RHOBTB2: variants seen among roughly 807,000 people sequenced by gnomAD.
RHOBTB2 encodes Rho related BTB domain containing 2.
In RHOBTB2, 39 loss-of-function variants were observed where a neutral mutation model predicts 66.5. The observed-to-expected ratio is 0.59, with a 90% CI of 0.45 to 0.77. RHOBTB2 has a LOEUF of 0.77. Ranked by LOEUF, RHOBTB2 falls within the 30% of genes least tolerant of loss-of-function variation. The probability of loss-of-function intolerance (pLI) is 0.00; values close to 1 mark genes in which losing one functional copy is unlikely to be tolerated. For synonymous variants in RHOBTB2, 390 were observed against 395.0 expected, an observed-to-expected ratio of 0.99 and a Z score of 0.15; for missense variants, 755 against 999.1, an observed-to-expected ratio of 0.76 and a Z score of 3.29.
At chr8:22,971,528 G>A in the RHOBTB2 span, among the ~76,000 whole-genome samples, 2 of 151,948 alleles carry the variant, frequency 1.3e-5, no homozygotes, top group Admixed American at 1.3e-4. Context: ...CAACCTGCAC[G>A]CACTGCCTCC....
upstream of RHOBTB2, among the ~76,000 whole-genome samples, chr8:22,996,543 G>C (rs866366043): frequency 5.3e-4 from 72 of 137,102 alleles, 2 homozygotes; most frequent in Admixed American, 1.1e-3. Flanking sequence ...GTGTGTGTGT[G>C]TGTGTGTGTG....
At chr8:23,014,498 T>C (rs1811234093) in intron 7 of RHOBTB2, among the ~76,000 whole-genome samples, 192 bp from the exon 8 acceptor site, 1 of 152,242 alleles carries the variant, frequency 6.6e-6, no homozygotes, top group Non-Finnish European at 1.5e-5. Flanking sequence ...CCCTACCCCG[T>C]TGAGCTCTTG....
rs543063061 is a variant in RHOBTB2, at chr8:23,010,432, G to A, written c.1621-106G>A. 245 of 1,312,928 alleles carry A rather than the reference G, an allele frequency of 1.9e-4. 1 individual carries two copies. The African/African-American group carries it at 3.4e-3, about 18-fold the overall frequency. The allele number at this position is 1,312,928 out of a possible 1,614,324, so 81.3% of individuals were successfully genotyped here. A position where few individuals can be genotyped will look rare whatever the true frequency, so the allele number is the denominator to read the frequency against. ...GCAGCACAGGGAAGGCTGCCCGTCTGGGGGAGCCTGGGTGTGAGGGCCAGA... is the reference window on the plus strand; with the variant it reads ...GCAGCACAGGGAAGGCTGCCCGTCTAGGGGAGCCTGGGTGTGAGGGCCAGA... On this transcript the variant is annotated intron_variant, in intron 6 of 9. Transcript: ENST00000251822.
At chr8:23,016,865 C>T (rs1246670145) in intron 9 of RHOBTB2, among the ~76,000 whole-genome samples, 2 of 152,192 alleles carry the variant, frequency 1.3e-5, no homozygotes, top group East Asian at 3.8e-4. Flanking sequence ...GTCCTGACTC[C>T]GTATTCCCCC....
At chr8:23,014,394 G>C (rs943850026) in intron 7 of RHOBTB2, among the ~76,000 whole-genome samples, 5 of 152,206 alleles carry the variant, frequency 3.3e-5, no homozygotes, top group South Asian at 2.1e-4. Flanking sequence ...GTTCTGTTGG[G>C]AACTTTGACC....
upstream of RHOBTB2, among the ~76,000 whole-genome samples, chr8:22,982,557 TG>T (rs1465006752): frequency 1.3e-5 from 2 of 152,070 alleles, no homozygotes; most frequent in African/African-American, 4.8e-5. Flanking sequence ...AGGAGGCAGA[TG>T]TTGCAGTGAG....
chr8:22,973,598 G>C, the RHOBTB2 span, among the ~76,000 whole-genome samples: 250 of 152,290 alleles, frequency 1.6e-3, 1 homozygote, highest in African/African-American at 5.9e-3. Context: ...ACTCCCAGCT[G>C]TATCAGCAGT....
chr8:22,996,361 T>C (rs1192333268), upstream of RHOBTB2, among the ~76,000 whole-genome samples: 1 of 152,118 alleles, frequency 6.6e-6, no homozygotes, highest in African/African-American at 2.4e-5. Context: ...GCCAGGCACA[T>C]GGCAGGACAT....
chr8:23,001,145 T>G (rs1810766649), intron 1 of RHOBTB2, among the ~76,000 whole-genome samples: 1 of 151,894 alleles, frequency 6.6e-6, no homozygotes, highest in Non-Finnish European at 1.5e-5. Context: ...GGGACAGGGA[T>G]GGAAGGAACA....
the RHOBTB2 span, among the ~76,000 whole-genome samples, chr8:22,953,180 C>T: frequency 7.9e-5 from 12 of 152,182 alleles, no homozygotes; most frequent in Non-Finnish European, 1.3e-4. Context: ...TTTTCCCTTA[C>T]CAATTGAGTG....
chr8:23,004,753 G>A lies in RHOBTB2; in HGVS notation c.192+127G>A. 1 of 900,490 alleles carries A rather than the reference G, an allele frequency of 1.1e-6. No homozygotes were observed. The highest frequency in any genetic ancestry group is 1.7e-6 in the Non-Finnish European group (1 of 587,790). 55.8% of individuals were successfully genotyped at this position (900,490 alleles called of 1,614,324 possible). ...CTAGGGGTGGGACAGGATGGGTTGG[G>A]GGCAGCTGAAGAGGAAGGAGCCCCT... On this transcript the variant is annotated intron_variant, in intron 2 of 9. Coordinates refer to ENST00000251822, the MANE Select transcript of RHOBTB2 (RefSeq NM_015178.3). The surrounding 1 kb of genome is among the most constrained non-coding windows in gnomAD (Gnocchi z 6.4).
chr8:22,977,013 G>A, the RHOBTB2 span, among the ~76,000 whole-genome samples: 1 of 152,146 alleles, frequency 6.6e-6, no homozygotes, highest in Admixed American at 6.6e-5. Flanking sequence ...CCAGCTACTT[G>A]GGAGGCTGAG....
chr8:22,977,955 C>T, the RHOBTB2 span: 1 of 151,846 alleles, frequency 6.6e-6, no homozygotes, highest in Non-Finnish European at 1.5e-5. Flanking sequence ...CCCAAGAGTC[C>T]TATGCTGACC....
chr8:23,007,056 G>A lies in RHOBTB2; in HGVS notation c.811G>A (p.Val271Met). The change falls in exon 5 of 10, where the codon GTG (valine) becomes ATG (methionine). Residue 271 changes from valine (V) to methionine (M), a missense_variant. Transcript: ENST00000251822. ...EDPLCADVIL[V>M]LQERVRIFAH... ...CCCGCTCTGCGCGGACGTCATCCTGGTGCTGCAGGAGCGGGTGCGCATCTT... is the reference window on the plus strand; with the variant it reads ...CCCGCTCTGCGCGGACGTCATCCTGATGCTGCAGGAGCGGGTGCGCATCTT... The A allele has an allele frequency of 6.2e-7, 1 of 1,610,434 alleles. No individual in the cohort carries two copies. Among genetic ancestry groups the A allele is most frequent in the Non-Finnish European group, 8.5e-7 (1 of 1,179,302 alleles).
rs778764986 is a variant in RHOBTB2 at position 23,005,503 on chromosome 8, A to T, written c.296+28A>T. On this transcript the variant is annotated intron_variant, in intron 3 of 9. Coordinates refer to ENST00000251822, the MANE Select transcript of RHOBTB2 (RefSeq NM_015178.3). ...AGGGAAGGCCTCTAGCCGCCTGCAG[A>T]GAACCAACAGGGTGGGTTTTTCCCT... The T allele has an allele frequency of 4.8e-6, 7 of 1,457,892 alleles. No individual in the cohort carries two copies. In the South Asian group the frequency reaches 7.9e-5, roughly 17 times the overall value. 90.3% of individuals were successfully genotyped at this position (1,457,892 alleles called of 1,614,324 possible). A position where few individuals can be genotyped will look rare whatever the true frequency, so the allele number is the denominator to read the frequency against.
At chr8:22,954,886 C>T in the RHOBTB2 span, among the ~76,000 whole-genome samples, 1 of 152,208 alleles carries the variant, frequency 6.6e-6, no homozygotes, top group Non-Finnish European at 1.5e-5. Context: ...AATCCCAACA[C>T]TTTGGGAGGC....
At chr8:22,998,463 G>T (rs1296292004), upstream of RHOBTB2, among the ~76,000 whole-genome samples, 1 of 152,098 alleles carries the variant, frequency 6.6e-6, no homozygotes, top group Admixed American at 6.5e-5. Context: ...GCTGGGCATG[G>T]TGGCTCACGC....
upstream of RHOBTB2, among the ~76,000 whole-genome samples, chr8:22,983,284 A>G (rs531811705): frequency 6.6e-6 from 1 of 151,582 alleles, no homozygotes; most frequent in East Asian, 1.9e-4. Context: ...ATCTGCACTG[A>G]TGTGTGACAC....
At chr8:22,994,639 T>C (rs1810499717), upstream of RHOBTB2, 3 of 1,550,764 alleles carry the variant, frequency 1.9e-6, no homozygotes, top group Non-Finnish European at 2.6e-6. Context: ...TCAGACAGCA[T>C]GTGAGTAGCT....
Sources: gnomAD v4.1 joint callset for allele counts (sites outside exome capture counted in the v4.1 genomes callset) on GRCh38, gnomAD v4.1.1 for gene constraint, Gnocchi (gnomAD v3.1) non-coding constraint, MANE v1.5 for transcripts, NCBI Gene and HGNC (gene_info 2026-07-23, HGNC 2026-07-21) for gene names.